Variants in IRAG1 observed in about 807,000 individuals in gnomAD.
The protein encoded by IRAG1 is IP3R-associated cGMP kinase substrate.
A neutral mutation model predicts 106.2 loss-of-function variants in IRAG1; 62 were observed. That is an observed-to-expected ratio of 0.58 (90% confidence interval 0.48 to 0.72). IRAG1 has a LOEUF of 0.72. IRAG1 is among the 30% of genes least tolerant of loss of function. The probability of loss-of-function intolerance (pLI) is 0.00; values close to 1 mark genes in which losing one functional copy is unlikely to be tolerated. For synonymous variants in IRAG1, 462 were observed against 443.9 expected (o/e 1.04, Z -0.51); for missense variants, 1,064 against 1,140.7 (o/e 0.93, Z 0.97).
At chr11:10,652,304 C>T (rs904710502) in intron 1 of IRAG1, 122 bp from the exon 2 acceptor site, 1 of 1,509,658 alleles carries the variant, frequency 6.6e-7, no homozygotes, top group South Asian at 1.3e-5. Context: ...CACCGGAGGT[C>T]AAACCAGGCT....
chr11:10,667,110 A>G (rs1308027857), intron 1 of IRAG1, among the ~76,000 whole-genome samples: 5 of 151,616 alleles, frequency 3.3e-5, no homozygotes, highest in Non-Finnish European at 5.9e-5. Flanking sequence ...ATATGACAAC[A>G]TATGTTTATA....
At chr11:10,622,218 TG>T (rs1393535075) in intron 10 of IRAG1, among the ~76,000 whole-genome samples, 3 of 152,078 alleles carry the variant, frequency 2.0e-5, no homozygotes, top group Non-Finnish European at 4.4e-5. Context: ...GCAGAGCTGG[TG>T]GGACTAACCC....
Position 10,603,029 on chromosome 11 carries a change from A to C in IRAG1, c.1875+91T>G, listed in dbSNP as rs141292112. 3.9e-4 allele frequency: 569 copies of C among 1,444,274 alleles called. 1 individual carries two copies. Among genetic ancestry groups the C allele is most frequent in the Middle Eastern group, 3.3e-3 (16 of 4,860 alleles). 89.5% of individuals were successfully genotyped at this position (1,444,274 alleles called of 1,614,324 possible). A position where few individuals can be genotyped will look rare whatever the true frequency, so the allele number is the denominator to read the frequency against. On this transcript the variant is annotated intron_variant, in intron 14 of 20. Transcript: ENST00000423302. ...CCTGGCCCAGAGGAAGCCACCTCTA[A>C]GTGGTATCTGTAGTTGCCGCTGCTT...
chr11:10,639,850 T>C (rs894684866), intron 2 of IRAG1, among the ~76,000 whole-genome samples: 3 of 152,134 alleles, frequency 2.0e-5, no homozygotes, highest in Admixed American at 2.0e-4. Flanking sequence ...GGGCTGGCAA[T>C]GATCAGATTC....
At chr11:10,649,648 G>T (rs1186220420) in intron 2 of IRAG1, among the ~76,000 whole-genome samples, 1 of 152,138 alleles carries the variant, frequency 6.6e-6, no homozygotes, top group Non-Finnish European at 1.5e-5. Context: ...CTGAATTCCT[G>T]CTGGCCTTCC....
At chr11:10,680,348 A>AAG (rs1861076706) in intron 1 of IRAG1, among the ~76,000 whole-genome samples, 6 of 71,808 alleles carry the variant, frequency 8.4e-5, no homozygotes, top group African/African-American at 2.5e-4. Context: ...AAGGAAGGAA[A>AAG]GAAAGAAAGA....
chr11:10,636,314 A>G (rs535326531), intron 2 of IRAG1, among the ~76,000 whole-genome samples: 3 of 152,304 alleles, frequency 2.0e-5, no homozygotes, highest in South Asian at 4.1e-4. Context: ...AGTTGGGACT[A>G]CAGGTGTGCA....
chr11:10,608,117 T>G (rs2134382474), intron 11 of IRAG1, among the ~76,000 whole-genome samples: 1 of 152,222 alleles, frequency 6.6e-6, no homozygotes, highest in South Asian at 2.1e-4. Context: ...TATTTTTATT[T>G]TATTTATTTA....
intron 17 of IRAG1, chr11:10,593,128 G>A (rs1203934360): frequency 1.9e-5 from 3 of 157,988 alleles, no homozygotes; most frequent in African/African-American, 7.2e-5. Flanking sequence ...GAGAACCTAG[G>A]GTTCAAAGCT....
In IRAG1 at chr11:10,589,262, A is replaced by ATATAATG. The variant is rs536833653; in HGVS notation, c.2240+2285_2240+2286insCATTATA. 107 of 152,348 alleles carry ATATAATG rather than the reference A, an allele frequency of 7.0e-4. 1 individual carries two copies. The highest frequency in any genetic ancestry group is 2.5e-3 in the African/African-American group (103 of 41,568). The allele number at this position is 152,348 out of a possible 1,614,324, so 9.4% of individuals were successfully genotyped here. A position where few individuals can be genotyped will look rare whatever the true frequency, so the allele number is the denominator to read the frequency against. ...GCTGAATACAACAGTCTCCAAAGCA[A>ATATAATG]TGTATATTAAACTATAACACATTAT... On this transcript the variant is annotated intron_variant, in intron 18 of 20. Transcript: ENST00000423302.
rs1856436315 is a variant in IRAG1 at position 10,628,488 on chromosome 11, C to T, written c.652+263G>A. Reference sequence around the variant, plus strand: ...CTGAGCCAGAGAGGCTGTCCTAGTCCCCTTTCCCACCCAGCCTTCCTGACC... The same window carrying T: ...CTGAGCCAGAGAGGCTGTCCTAGTCTCCTTTCCCACCCAGCCTTCCTGACC... On this transcript the variant is annotated intron_variant, in intron 6 of 20. Transcript: ENST00000423302. This position sits in a 1 kb window ranked among gnomAD's most constrained non-coding sequence, Gnocchi z 4.1. Among the ~76,000 whole-genome samples, 1 of 152,210 alleles carries T rather than the reference C, an allele frequency of 6.6e-6. No homozygotes were observed. The highest frequency in any genetic ancestry group is 2.4e-5 in the African/African-American group (1 of 41,454).
At chr11:10,629,765 TG>T in intron 4 of IRAG1, 54 bp from the exon 5 acceptor site, 1 of 1,567,368 alleles carries the variant, frequency 6.4e-7, no homozygotes, top group Non-Finnish European at 8.7e-7. Flanking sequence ...GGCCCCAGGC[TG>T]AGGTCATGCC....
At chr11:10,601,474 G>A (rs969674886) in intron 14 of IRAG1, among the ~76,000 whole-genome samples, 9 of 152,160 alleles carry the variant, frequency 5.9e-5, no homozygotes, top group African/African-American at 1.9e-4. Context: ...ATGTAGATGA[G>A]GTTTTATCCT....
intron 1 of IRAG1, among the ~76,000 whole-genome samples, chr11:10,670,038 T>C (rs1860095393): frequency 6.6e-6 from 1 of 152,222 alleles, no homozygotes; most frequent in South Asian, 2.1e-4. Context: ...GATGGGAATC[T>C]TGCTTTTCAG....
At chr11:10,603,363 A>C (rs903138570) in intron 13 of IRAG1, 112 bp from the exon 14 acceptor site, 8 of 1,250,074 alleles carry the variant, frequency 6.4e-6, no homozygotes, top group East Asian at 2.5e-5. Flanking sequence ...ATTTTTCCAC[A>C]AACCTGGTGG....
intron 1 of IRAG1, among the ~76,000 whole-genome samples, chr11:10,654,545 C>T (rs981962284): frequency 3.3e-5 from 5 of 152,188 alleles, no homozygotes; most frequent in African/African-American, 9.7e-5. Context: ...AAATTTTACA[C>T]CTACTCTACC....
At chr11:10,682,625 A>G (rs1171003702) in intron 1 of IRAG1, among the ~76,000 whole-genome samples, 1 of 152,218 alleles carries the variant, frequency 6.6e-6, no homozygotes, top group African/African-American at 2.4e-5. Flanking sequence ...AAAACCCATA[A>G]ACAATGGACA....
chr11:10,692,279 A>G (rs1862118873), intron 1 of IRAG1, among the ~76,000 whole-genome samples: 1 of 152,188 alleles, frequency 6.6e-6, no homozygotes, highest in Non-Finnish European at 1.5e-5. Context: ...TAGGTCAAAA[A>G]TCGCAAGACA....
At chr11:10,602,365 G>A (rs1256164496) in intron 14 of IRAG1, among the ~76,000 whole-genome samples, 1 of 152,244 alleles carries the variant, frequency 6.6e-6, no homozygotes, top group Non-Finnish European at 1.5e-5. Context: ...CTCTATGGCA[G>A]ATACTGTGAC....
Sources: allele counts gnomAD v4.1 joint callset (sites outside exome capture counted in the v4.1 genomes callset), GRCh38; gene constraint gnomAD v4.1.1; non-coding constraint Gnocchi (gnomAD v3.1); transcripts MANE v1.5; gene names NCBI Gene and HGNC (gene_info 2026-07-23, HGNC 2026-07-21).